Variants in CCDC68 observed in about 807,000 individuals in gnomAD.
CCDC68 encodes coiled-coil domain containing 68, also known as coiled-coil domain-containing protein 68.
Under a neutral mutation model 47.1 loss-of-function variants are expected in CCDC68, and 45 were observed. The ratio of observed to expected loss-of-function variants is 0.96; its 90% confidence interval spans 0.75 to 1.23. The LOEUF is 1.23. CCDC68 is among the 50% of genes most tolerant of loss of function. The pLI, the probability that CCDC68 is intolerant of heterozygous loss-of-function variation, is 0.00. For synonymous variants in CCDC68, 131 were observed against 129.5 expected, an observed-to-expected ratio of 1.01 and a Z score of -0.08; for missense variants, 353 against 373.6, an observed-to-expected ratio of 0.94 and a Z score of 0.45.
At chr18:54,909,376 C>A (rs1011257142) in intron 10 of CCDC68, among the ~76,000 whole-genome samples, 1 of 99,556 alleles carries the variant, frequency 1.0e-5, no homozygotes, top group African/African-American at 3.8e-5. Flanking sequence ...AAGGTATTTT[C>A]TTTCTTTTTT....
chr18:54,918,826 G>A (rs934798204), intron 9 of CCDC68, among the ~76,000 whole-genome samples: 3 of 152,194 alleles, frequency 2.0e-5, no homozygotes, highest in African/African-American at 7.2e-5. Flanking sequence ...TACCACAATC[G>A]CCTCGACTTT....
intron 2 of CCDC68, among the ~76,000 whole-genome samples, chr18:54,943,663 A>C (rs1462593107): frequency 1.3e-5 from 2 of 152,186 alleles, no homozygotes; most frequent in Non-Finnish European, 2.9e-5. Flanking sequence ...ATAGCAAAAT[A>C]ATCTTGAACT....
intron 8 of CCDC68, among the ~76,000 whole-genome samples, chr18:54,922,863 C>T (rs185529836): frequency 1.1e-3 from 161 of 152,010 alleles, no homozygotes; most frequent in African/African-American, 3.8e-3. Flanking sequence ...TGGCATGCGC[C>T]TGTAATCCCA....
chr18:54,914,484 G>C (rs142766967), intron 10 of CCDC68, among the ~76,000 whole-genome samples: 2 of 152,110 alleles, frequency 1.3e-5, no homozygotes, highest in Non-Finnish European at 2.9e-5. Flanking sequence ...CAGGTGTGGC[G>C]GTGGGCACTT....
chr18:54,925,280 A>T (rs975477106), intron 8 of CCDC68, among the ~76,000 whole-genome samples: 1 of 151,966 alleles, frequency 6.6e-6, no homozygotes, highest in Non-Finnish European at 1.5e-5. Flanking sequence ...TCATCATCTA[A>T]TTTTTTTCTA....
At chr18:54,958,155 C>G (rs892548213) in intron 1 of CCDC68, 7 of 152,188 alleles carry the variant, frequency 4.6e-5, no homozygotes, top group Non-Finnish European at 1.0e-4. Flanking sequence ...TGACGTTGGC[C>G]TGGGTCCCAA....
rs2043983751 is a variant in CCDC68, at chr18:54,917,895, GACAGGTTCC to G, written c.873+9_873+17del. The G allele has an allele frequency of 1.3e-5, 19 of 1,463,234 alleles. No homozygotes were observed. Among genetic ancestry groups the G allele is most frequent in the Non-Finnish European group, 1.7e-5 (18 of 1,045,608 alleles). 90.6% of individuals were successfully genotyped at this position (1,463,234 alleles called of 1,614,324 possible). ...CTCACACCCTCACAACAAAATGTAA[GACAGGTTCC>G]CTCCTTACCTGGGCTTCAAGTATGT... On this transcript the variant is annotated intron_variant, in intron 10 of 11. Transcript: ENST00000591504.
chr18:54,938,142 C>G (rs774811731), intron 4 of CCDC68, 45 bp from the exon 5 acceptor site: 8 of 1,564,468 alleles, frequency 5.1e-6, no homozygotes, highest in Non-Finnish European at 6.9e-6. Flanking sequence ...ATCTTTTCCT[C>G]TACAAACTTT....
chr18:54,905,409 A>AAGGAAGGAAGGAAGGAAG (rs1913936962), intron 11 of CCDC68, among the ~76,000 whole-genome samples: 1 of 107,722 alleles, frequency 9.3e-6, no homozygotes, highest in African/African-American at 3.9e-5. Context: ...AAGGAAGGGA[A>AAGGAAGGAAGGAAGGAAG]GAAGGAAGGA....
rs147022894 is a variant in CCDC68, at chr18:54,909,914, T to G, written c.874-2052A>C. ...GGCCACAGCTCTTCTTTCCTTCTCT[T>G]TGCCTGCAACATGGCGAGCAAGGGG... On this transcript the variant is annotated intron_variant, in intron 10 of 11. Transcript: ENST00000591504. 5.7e-4 allele frequency among the ~76,000 whole-genome samples: 87 copies of G among 152,358 alleles called. 1 individual carries two copies. Among genetic ancestry groups the G allele is most frequent in the African/African-American group, 1.9e-3 (80 of 41,596 alleles).
chr18:54,907,935 A>T (rs1372233921), intron 10 of CCDC68, 73 bp from the exon 11 acceptor site: 4 of 850,862 alleles, frequency 4.7e-6, no homozygotes, highest in Non-Finnish European at 8.1e-6. Context: ...GCTTCTATTC[A>T]ACCCAACACC....
At chr18:54,955,656 C>T (rs1355202037) in intron 1 of CCDC68, among the ~76,000 whole-genome samples, 1 of 152,090 alleles carries the variant, frequency 6.6e-6, no homozygotes, top group African/African-American at 2.4e-5. Flanking sequence ...TTTCCTGATT[C>T]CTAACAGAGG....
chr18:54,949,626 G>T (rs552016844), intron 1 of CCDC68, among the ~76,000 whole-genome samples: 2 of 152,332 alleles, frequency 1.3e-5, no homozygotes, highest in East Asian at 3.9e-4. Flanking sequence ...GCACCATGCT[G>T]GATGTCTGGC....
intron 3 of CCDC68, 35 bp from the exon 4 acceptor site, chr18:54,941,118 G>T: frequency 6.7e-7 from 1 of 1,484,338 alleles, no homozygotes; most frequent in Non-Finnish European, 9.4e-7. Context: ...TGTTTCAAAG[G>T]CATTTAATGC....
intron 1 of CCDC68, among the ~76,000 whole-genome samples, chr18:54,954,908 A>G (rs1418054494): frequency 6.6e-6 from 1 of 152,226 alleles, no homozygotes; most frequent in Admixed American, 6.5e-5. Context: ...CAAGCAGAAA[A>G]AAATGAGTTG....
At chr18:54,944,647 A>G (rs559370374) in intron 2 of CCDC68, among the ~76,000 whole-genome samples, 2 of 152,306 alleles carry the variant, frequency 1.3e-5, no homozygotes, top group East Asian at 3.9e-4. Flanking sequence ...AAAAAAAGAA[A>G]CAAGCATGTA....
chr18:54,917,505 T>C (rs898782075), intron 10 of CCDC68, among the ~76,000 whole-genome samples: 3 of 152,212 alleles, frequency 2.0e-5, no homozygotes, highest in African/African-American at 7.2e-5. Context: ...AATAATTTAA[T>C]AATATTTATT....
intron 2 of CCDC68, among the ~76,000 whole-genome samples, chr18:54,943,168 A>G (rs1599085307): frequency 6.6e-6 from 1 of 152,192 alleles, no homozygotes; most frequent in Admixed American, 6.5e-5. Flanking sequence ...ACATGATACA[A>G]TTATAACAAA....
chr18:54,911,818 T>C (rs1367012947), intron 10 of CCDC68, among the ~76,000 whole-genome samples: 1 of 152,180 alleles, frequency 6.6e-6, no homozygotes, highest in Non-Finnish European at 1.5e-5. Flanking sequence ...CTCGACCAAT[T>C]CAGTACCAAA....
Sources: gnomAD v4.1 joint callset for allele counts (sites outside exome capture counted in the v4.1 genomes callset) on GRCh38, gnomAD v4.1.1 for gene constraint, MANE v1.5 for transcripts, NCBI Gene and HGNC (gene_info 2026-07-23, HGNC 2026-07-21) for gene names.